The following KIT variants were observed in gnomAD, a reference collection of about 807,000 sequenced individuals.
KIT encodes the protein KIT proto-oncogene, receptor tyrosine kinase, also known as mast/stem cell growth factor receptor Kit.
Under a neutral mutation model 105.7 loss-of-function variants are expected in KIT, and 16 were observed. That is an observed-to-expected ratio of 0.15 (90% CI 0.10 to 0.23). The LOEUF (loss-of-function observed/expected upper bound fraction) is 0.23. KIT is among the 10% of genes least tolerant of loss of function. The pLI is 1.00. For synonymous variants in KIT, 438 were observed against 441.1 expected (o/e 0.99, Z 0.09); for missense variants, 858 against 1,213.8 (o/e 0.71, Z 4.36).
At chr4:54,733,007 GTTT>G in intron 16 of KIT, 60 bp from the exon 17 acceptor site, 1 of 1,446,266 alleles carries the variant, frequency 6.9e-7, no homozygotes. Flanking sequence ...TAAAAAGTTA[GTTT>G]TCACTCTTTA....
rs1723116492 is a variant in KIT, at chr4:54,739,325, A to G, written c.*768A>G. 1 of 235,862 alleles carries G rather than the reference A, an allele frequency of 4.2e-6. No individual in the cohort carries two copies. The highest frequency in any genetic ancestry group is 8.3e-6 in the Non-Finnish European group (1 of 119,796). The allele number at this position is 235,862 out of a possible 1,614,324, so 14.6% of individuals were successfully genotyped here. ...AACCCTGGCATTATGTCCACTGTGT[A>G]TAGAAGTAGATTAAGAGCCATATAA... On this transcript the variant is annotated 3_prime_UTR_variant, in exon 21 of 21. Transcript: ENST00000288135.
At chr4:54,685,084 C>A (rs925754306) in intron 1 of KIT, among the ~76,000 whole-genome samples, 5 of 152,160 alleles carry the variant, frequency 3.3e-5, no homozygotes, top group Non-Finnish European at 7.3e-5. Context: ...TCTGGAATTT[C>A]CTGGTTCTCC....
intron 1 of KIT, among the ~76,000 whole-genome samples, chr4:54,679,662 A>G (rs1482521628): frequency 6.6e-6 from 1 of 152,220 alleles, no homozygotes; most frequent in Non-Finnish European, 1.5e-5. Context: ...ATCTGAGTCA[A>G]GTATAATTTA....
intron 7 of KIT, among the ~76,000 whole-genome samples, chr4:54,715,892 C>G (rs1378882104): frequency 6.6e-6 from 1 of 152,212 alleles, no homozygotes; most frequent in Non-Finnish European, 1.5e-5. Flanking sequence ...CCTGCAAGGA[C>G]TGCTCAGATT....
chr4:54,669,153 T>C (rs1272653462), intron 1 of KIT, among the ~76,000 whole-genome samples: 3 of 152,186 alleles, frequency 2.0e-5, no homozygotes, highest in Non-Finnish European at 4.4e-5. Context: ...TATGTGCAGC[T>C]GGGAAATAGT....
intron 1 of KIT, among the ~76,000 whole-genome samples, chr4:54,688,021 C>T (rs1384361026): frequency 6.6e-6 from 1 of 152,142 alleles, no homozygotes; most frequent in African/African-American, 2.4e-5. Context: ...AGAACAGGGA[C>T]ATTTTTGAGA....
chr4:54,737,224 A>T lies in KIT; in HGVS notation c.2746A>T (p.Thr916Ser). Reference sequence around the variant, plus strand: ...GGATGCAGATCCCCTAAAAAGACCAACATTCAAGCAAATTGTTCAGCTAAT... The same window carrying T: ...GGATGCAGATCCCCTAAAAAGACCATCATTCAAGCAAATTGTTCAGCTAAT... ...CWDADPLKRP[T>S]FKQIVQLIEK... The change falls in exon 20 of 21, where the codon ACA becomes TCA. Residue 916 changes from threonine (T) to serine (S), a missense_variant. By Grantham distance (58) the Thr-to-Ser change is moderately conservative. Around this residue, in one of 7 missense-constraint regions of KIT, gnomAD observed 105 missense variants for 103.5 expected, o/e 1.01. Coordinates refer to ENST00000288135, the MANE Select transcript of KIT (RefSeq NM_000222.3). 6.2e-7 allele frequency: 1 copy of T among 1,614,038 alleles called. No individual in the cohort carries two copies. The highest frequency in any genetic ancestry group is 8.5e-7 in the Non-Finnish European group (1 of 1,179,928).
At chr4:54,706,018 C>G (rs933250906) in intron 5 of KIT, among the ~76,000 whole-genome samples, 7 of 152,178 alleles carry the variant, frequency 4.6e-5, no homozygotes, top group African/African-American at 1.4e-4. Flanking sequence ...CTTTATTGCT[C>G]TCTTTTTCAA....
At chr4:54,682,857 T>C (rs1223252181) in intron 1 of KIT, among the ~76,000 whole-genome samples, 1 of 151,650 alleles carries the variant, frequency 6.6e-6, no homozygotes, top group Non-Finnish European at 1.5e-5. Context: ...GTTCAAACGA[T>C]TCTTGTGCCT....
At chr4:54,711,397 A>G (rs1721150345) in intron 7 of KIT, among the ~76,000 whole-genome samples, 1 of 152,242 alleles carries the variant, frequency 6.6e-6, no homozygotes, top group Admixed American at 6.5e-5. Flanking sequence ...AATTAAACAC[A>G]TATCTTTATT....
intron 7 of KIT, among the ~76,000 whole-genome samples, chr4:54,713,989 G>C (rs74836230): frequency 6.6e-6 from 1 of 152,080 alleles, no homozygotes; most frequent in Non-Finnish European, 1.5e-5. Flanking sequence ...AGAACTTCTA[G>C]TGGAAACTGA....
intron 1 of KIT, among the ~76,000 whole-genome samples, chr4:54,665,794 A>T (rs1412159799): frequency 6.6e-6 from 1 of 152,208 alleles, no homozygotes; most frequent in Non-Finnish European, 1.5e-5. Context: ...TGGAGGGAAG[A>T]CGTCAATGAA....
chr4:54,713,306 C>T (rs574906537), intron 7 of KIT, among the ~76,000 whole-genome samples: 8 of 152,100 alleles, frequency 5.3e-5, no homozygotes, highest in African/African-American at 1.4e-4. Context: ...CTGTCATTCT[C>T]ATGATTTTGC....
At position 54,678,326 on chromosome 4, in the gene KIT, TTCCTTCCTTCCTTCCTTCCTTCCTTCCC is replaced by T. The variant is rs1490716285; in HGVS notation, c.68-17182_68-17155del. On this transcript the variant is annotated intron_variant, in intron 1 of 20. Coordinates refer to ENST00000288135, the MANE Select transcript of KIT (RefSeq NM_000222.3). ...CTTCCTTCCTTCCTTCCTTCCTTCC[TTCCTTCCTTCCTTCCTTCCTTCCTTCCC>T]TCCCTCCCTCCCTCCCTCCCTCCCC... Among the ~76,000 whole-genome samples the T allele has an allele frequency of 9.7e-4, 94 of 96,674 alleles. 1 individual carries two copies. Among genetic ancestry groups the T allele is most frequent in the African/African-American group, 3.6e-3 (80 of 22,462 alleles). 63.4% of individuals were successfully genotyped at this position (96,674 alleles called of 152,430 possible). A position where few individuals can be genotyped will look rare whatever the true frequency, so the allele number is the denominator to read the frequency against.
chr4:54,669,016 T>A (rs1717906463), intron 1 of KIT, among the ~76,000 whole-genome samples: 2 of 152,202 alleles, frequency 1.3e-5, no homozygotes, highest in South Asian at 4.1e-4. Flanking sequence ...CAAGGACTGG[T>A]TTTTAGAATT....
At chr4:54,677,208 G>A (rs1180670229) in intron 1 of KIT, among the ~76,000 whole-genome samples, 1 of 151,958 alleles carries the variant, frequency 6.6e-6, no homozygotes, top group African/African-American at 2.4e-5. Context: ...ATTACATTTT[G>A]ATTGAGGTGT....
intron 1 of KIT, among the ~76,000 whole-genome samples, chr4:54,688,444 G>T (rs958654680): frequency 4.0e-5 from 6 of 149,928 alleles, no homozygotes; most frequent in African/African-American, 7.3e-5. Context: ...AATGTGGTGG[G>T]TTTTCTTCCC....
At chr4:54,671,456 TGA>T (rs1180901701) in intron 1 of KIT, among the ~76,000 whole-genome samples, 1 of 152,218 alleles carries the variant, frequency 6.6e-6, no homozygotes, top group Non-Finnish European at 1.5e-5. Flanking sequence ...GGGTGTCAGT[TGA>T]CAATTTCAAT....
chr4:54,692,278 A>G (rs1719767807), intron 1 of KIT, among the ~76,000 whole-genome samples: 1 of 152,214 alleles, frequency 6.6e-6, no homozygotes, highest in South Asian at 2.1e-4. Flanking sequence ...AGCATGTATT[A>G]AAAACTATCC....
Sources: gnomAD v4.1 joint callset for allele counts (sites outside exome capture counted in the v4.1 genomes callset) on GRCh38, gnomAD v4.1.1 for gene constraint, gnomAD v4.1.1 regional missense constraint, MANE v1.5 for transcripts, NCBI Gene and HGNC (gene_info 2026-07-23, HGNC 2026-07-21) for gene names.